Variants in GALNTL6 observed in about 807,000 individuals in gnomAD.
GALNTL6 encodes the protein polypeptide N-acetylgalactosaminyltransferase like 6, also known as polypeptide N-acetylgalactosaminyltransferase-like 6.
A neutral mutation model predicts 73.7 loss-of-function variants in GALNTL6; 46 were observed. The ratio of observed to expected loss-of-function variants is 0.62; its 90% CI spans 0.49 to 0.80. The LOEUF is 0.80. GALNTL6 is among the 30% of genes least tolerant of loss of function. The pLI, the probability that GALNTL6 is intolerant of heterozygous loss-of-function variation, is 0.00. For synonymous variants in GALNTL6, 259 were observed against 263.7 expected (o/e 0.98, Z 0.17); for missense variants, 604 against 755.0 (o/e 0.80, Z 2.34).
At chr4:172,816,171 G>C (rs1186460110) in intron 7 of GALNTL6, among the ~76,000 whole-genome samples, 4 of 152,200 alleles carry the variant, frequency 2.6e-5, no homozygotes, top group African/African-American at 9.7e-5. Context: ...GACAGGGAGA[G>C]GAGGCTGAAA....
intron 2 of GALNTL6, among the ~76,000 whole-genome samples, chr4:171,939,201 G>A (rs1030977138): frequency 2.0e-5 from 3 of 151,984 alleles, no homozygotes; most frequent in African/African-American, 7.2e-5. Flanking sequence ...ATGATCAAAT[G>A]TATGTAATAA....
chr4:172,974,622 TAG>T (rs1160830731), intron 10 of GALNTL6, among the ~76,000 whole-genome samples: 1 of 152,172 alleles, frequency 6.6e-6, no homozygotes, highest in Non-Finnish European at 1.5e-5. Flanking sequence ...GTATCTTTGG[TAG>T]AGTTTTTACT....
chr4:172,856,117 A>G (rs1744110159), intron 7 of GALNTL6, among the ~76,000 whole-genome samples: 1 of 152,176 alleles, frequency 6.6e-6, no homozygotes, highest in African/African-American at 2.4e-5. Flanking sequence ...GTTATCCTCA[A>G]TGATTTTCAG....
chr4:171,872,763 C>T (rs1020715712), intron 2 of GALNTL6, among the ~76,000 whole-genome samples: 2 of 152,068 alleles, frequency 1.3e-5, no homozygotes, highest in African/African-American at 2.4e-5. Flanking sequence ...GAATTAGGGC[C>T]CACCTGAAAG....
intron 8 of GALNTL6, among the ~76,000 whole-genome samples, chr4:172,929,621 G>A (rs1238074310): frequency 6.6e-6 from 1 of 152,062 alleles, no homozygotes; most frequent in South Asian, 2.1e-4. Flanking sequence ...ATTGGATGAG[G>A]CCCATCGACA....
intron 2 of GALNTL6, among the ~76,000 whole-genome samples, chr4:171,917,525 G>A (rs1164492331): frequency 1.3e-5 from 2 of 152,010 alleles, no homozygotes; most frequent in African/African-American, 4.8e-5. Flanking sequence ...TGACACCTAA[G>A]CAAAGTTGGG....
chr4:172,053,284 A>T (rs1394856), intron 2 of GALNTL6, among the ~76,000 whole-genome samples: 136,977 of 151,496 alleles, frequency 0.9, 62,008 homozygotes, highest in East Asian at 0.98. Context: ...GTGTTTTTTT[A>T]AAAAAAACAC....
intron 7 of GALNTL6, among the ~76,000 whole-genome samples, chr4:172,868,704 T>A (rs1404047066): frequency 6.6e-6 from 1 of 152,256 alleles, no homozygotes; most frequent in Non-Finnish European, 1.5e-5. Context: ...CACCTTGTGC[T>A]GGGCACCCGT....
intron 2 of GALNTL6, among the ~76,000 whole-genome samples, chr4:172,122,979 T>C (rs968842844): frequency 2.0e-5 from 3 of 152,238 alleles, no homozygotes; most frequent in African/African-American, 7.2e-5. Context: ...AGGTGTTTTA[T>C]AGCTTTTCTT....
chr4:172,358,096 A>T (rs1301381387), intron 5 of GALNTL6, among the ~76,000 whole-genome samples: 12 of 152,148 alleles, frequency 7.9e-5, no homozygotes, highest in Non-Finnish European at 1.6e-4. Context: ...AATACTGAGT[A>T]TTATAAAACC....
chr4:172,198,315 G>A (rs1026277775), intron 2 of GALNTL6, among the ~76,000 whole-genome samples: 3 of 151,034 alleles, frequency 2.0e-5, no homozygotes, highest in Non-Finnish European at 4.4e-5. Flanking sequence ...TATCATCAGC[G>A]CAAACAGAAA....
chr4:172,007,286 G>T (rs188301137), intron 2 of GALNTL6, among the ~76,000 whole-genome samples: 6 of 152,084 alleles, frequency 3.9e-5, no homozygotes, highest in Admixed American at 2.6e-4. Context: ...TGTTTCATGT[G>T]TTTTTGAAAT....
chr4:172,856,541 G>A (rs1439944511), intron 7 of GALNTL6, among the ~76,000 whole-genome samples: 1 of 152,134 alleles, frequency 6.6e-6, no homozygotes, highest in East Asian at 1.9e-4. Context: ...TTGCACGGCA[G>A]GACCATTATT....
At chr4:172,178,891 T>A (rs1159392326) in intron 2 of GALNTL6, among the ~76,000 whole-genome samples, 3 of 115,074 alleles carry the variant, frequency 2.6e-5, no homozygotes, top group African/African-American at 3.6e-5. Flanking sequence ...CACCTATGAG[T>A]GAGAATATGC....
chr4:172,457,087 A>C (rs1347961800), intron 5 of GALNTL6, among the ~76,000 whole-genome samples: 1 of 152,178 alleles, frequency 6.6e-6, no homozygotes, highest in Non-Finnish European at 1.5e-5. Context: ...CCAGAATTTC[A>C]TATCCAGCCA....
At chr4:172,125,731 T>C (rs748372626) in intron 2 of GALNTL6, among the ~76,000 whole-genome samples, 6 of 152,138 alleles carry the variant, frequency 3.9e-5, no homozygotes, top group Non-Finnish European at 7.4e-5. Flanking sequence ...TTCTTTCTCA[T>C]AAAAAAATTA....
At chr4:172,689,848 G>A (rs1733157537) in intron 5 of GALNTL6, among the ~76,000 whole-genome samples, 1 of 152,080 alleles carries the variant, frequency 6.6e-6, no homozygotes, top group African/African-American at 2.4e-5. Context: ...TAGTGTTAAA[G>A]AAAATTAGAT....
At chr4:172,257,257 T>G (rs950638735) in intron 3 of GALNTL6, among the ~76,000 whole-genome samples, 1 of 151,390 alleles carries the variant, frequency 6.6e-6, no homozygotes, top group Non-Finnish European at 1.5e-5. Flanking sequence ...TGAAAGAATA[T>G]AGATGACACA....
intron 5 of GALNTL6, among the ~76,000 whole-genome samples, chr4:172,767,659 TTTTTTTTC>T (rs1294768763): frequency 8.2e-5 from 2 of 24,448 alleles, no homozygotes; most frequent in African/African-American, 3.8e-4. Context: ...CAAGAACTGA[TTTTTTTTC>T]TTTTTTTTTT....
Sources: gnomAD v4.1 joint callset for allele counts (sites outside exome capture counted in the v4.1 genomes callset) on GRCh38, gnomAD v4.1.1 for gene constraint, MANE v1.5 for transcripts, NCBI Gene and HGNC (gene_info 2026-07-23, HGNC 2026-07-21) for gene names.